SOD2: variants seen among roughly 807,000 people sequenced by gnomAD.
The protein encoded by SOD2 is superoxide dismutase 2.
A neutral mutation model predicts 27.0 loss-of-function variants in SOD2; 11 were observed. That is an observed-to-expected ratio of 0.41 (90% CI 0.26 to 0.67). The LOEUF (loss-of-function observed/expected upper bound fraction) is 0.67, where lower values mean the gene tolerates loss of function less well. SOD2 is among the 30% of genes least tolerant of loss of function. SOD2 has a pLI of 0.34. For synonymous variants in SOD2, 105 were observed against 103.0 expected (o/e 1.02, Z -0.12); for missense variants, 250 against 274.5 (o/e 0.91, Z 0.63).
chr6:159,680,999 T>A lies in SOD2; in HGVS notation c.*1494A>T, dbSNP rs1163042582. The A allele has an allele frequency of 6.7e-6, 1 of 150,032 alleles. No homozygotes were observed. The highest frequency in any genetic ancestry group is 1.5e-5 in the Non-Finnish European group (1 of 67,684). The allele number at this position is 150,032 out of a possible 1,614,324, so 9.3% of individuals were successfully genotyped here. On this transcript the variant is annotated 3_prime_UTR_variant, in exon 5 of 5. Transcript: ENST00000538183. The stretch of plus-strand genomic sequence containing the variant: ...AATATTCCAATAGGAGATAAACCTA[T>A]GTACACAGAGTTGCTCACCCCAGCA...
Position 159,693,170 on chromosome 6 carries a change from T to C in SOD2, c.-3A>G. 2 of 1,530,822 alleles carry C rather than the reference T, an allele frequency of 1.3e-6. No individual in the cohort carries two copies. The highest frequency in any genetic ancestry group is 1.8e-6 in the Non-Finnish European group (2 of 1,138,476). The allele number at this position is 1,530,822 out of a possible 1,614,324, so 94.8% of individuals were successfully genotyped here. The stretch of plus-strand genomic sequence containing the variant: ...CCGCACACTGCCCGGCTCAACATGC[T>C]GCTAGTGCTGGTGCTACCGCTGATG... On this transcript the variant is annotated 5_prime_UTR_variant, in exon 1 of 5. Transcript: ENST00000538183.
intron 1 of SOD2, 24 bp from the exon 2 acceptor site, chr6:159,692,887 GGTCA>G (rs2114794805): frequency 1.3e-6 from 2 of 1,563,076 alleles, no homozygotes; most frequent in African/African-American, 1.4e-5. Flanking sequence ...AGCACAGCCC[GGTCA>G]GTCAGCGCCG....
At position 159,672,491 on chromosome 6, in the gene SOD2, T is replaced by A. The variant is rs1407746274; in HGVS notation, c.*10002A>T. On this transcript the variant is annotated 3_prime_UTR_variant, in exon 5 of 5. Transcript: ENST00000538183. ...CCCAGAATTTCATATCCAGCCAAAC[T>A]AAGCTTCATAAGTGAAGGAGAAATA... The A allele has an allele frequency of 2.6e-5, 4 of 152,162 alleles. No homozygotes were observed. The highest frequency in any genetic ancestry group is 5.9e-5 in the Non-Finnish European group (4 of 68,044). 9.4% of individuals were successfully genotyped at this position (152,162 alleles called of 1,614,324 possible). A position where few individuals can be genotyped will look rare whatever the true frequency, so the allele number is the denominator to read the frequency against.
intron 2 of SOD2, 186 bp downstream of exon 2, chr6:159,692,475 G>A: frequency 2.8e-6 from 4 of 1,441,238 alleles, no homozygotes; most frequent in Non-Finnish European, 3.7e-6. Context: ...CAAACCCATC[G>A]AGGCACTCCT....
upstream of SOD2, chr6:159,727,585 C>T (rs1324646425): frequency 1.0e-6 from 1 of 986,692 alleles, no homozygotes; most frequent in South Asian, 4.6e-5. Context: ...AGGAGCGCGG[C>T]GGGGCCGGCG....
chr6:159,738,352 AT>A (rs978907676), intron 1 of SOD2, among the ~76,000 whole-genome samples: 13 of 151,954 alleles, frequency 8.6e-5, no homozygotes, highest in Admixed American at 2.0e-4. Context: ...TTTTGAGACT[AT>A]TTTTTTTCCT....
In SOD2 at chr6:159,678,925, T is replaced by A. The variant is rs574990645; in HGVS notation, c.*3568A>T. ...AAAAACACTTTGGTTTTGTCGTATA[T>A]CCCTAATACTATGCTTTTAGGTTAT... On this transcript the variant is annotated 3_prime_UTR_variant, in exon 5 of 5. Coordinates refer to ENST00000538183, the MANE Select transcript of SOD2 (RefSeq NM_000636.4). 6 of 152,344 alleles carry A rather than the reference T, an allele frequency of 3.9e-5. No individual in the cohort carries two copies. Among genetic ancestry groups the A allele is most frequent in the African/African-American group, 1.4e-4 (6 of 41,590 alleles). 9.4% of individuals were successfully genotyped at this position (152,344 alleles called of 1,614,324 possible). A position where few individuals can be genotyped will look rare whatever the true frequency, so the allele number is the denominator to read the frequency against.
In SOD2 at chr6:159,762,158, G is replaced by T. The variant is rs1227823511; in HGVS notation, c.-1457C>A. ...ACCATCATAGGTGAGTGGCCGGCGG[G>T]AGCCGCGCAGAGTCCGAGGCGCCTG... On this transcript the variant is annotated 5_prime_UTR_variant, in exon 1 of 8. Transcript: ENST00000546087. 9 of 1,607,512 alleles carry T rather than the reference G, an allele frequency of 5.6e-6. 1 individual carries two copies. The highest frequency in any genetic ancestry group is 6.8e-6 in the Non-Finnish European group (8 of 1,176,778).
chr6:159,742,584 TCTG>T (rs1451132572), intron 1 of SOD2, among the ~76,000 whole-genome samples: 5 of 152,206 alleles, frequency 3.3e-5, no homozygotes, highest in African/African-American at 4.8e-5. Context: ...TTTTTTTAAA[TCTG>T]CTGAAAATAA....
rs1330999149 is a variant in SOD2, at chr6:159,680,314, A to G, written c.*2179T>C. On this transcript the variant is annotated 3_prime_UTR_variant, in exon 5 of 5. Coordinates refer to ENST00000538183, the MANE Select transcript of SOD2 (RefSeq NM_000636.4). ...TTAGAGAGGCAAGCAGTAATCTTAC[A>G]TGACACATAAAAGCTGTTTCACTGT... 6.6e-6 allele frequency: 1 copy of G among 152,204 alleles called. No individual in the cohort carries two copies. Among genetic ancestry groups the G allele is most frequent in the Non-Finnish European group, 1.5e-5 (1 of 68,048 alleles). 9.4% of individuals were successfully genotyped at this position (152,204 alleles called of 1,614,324 possible).
chr6:159,744,614 C>G (rs752907310), intron 1 of SOD2, among the ~76,000 whole-genome samples: 10 of 152,236 alleles, frequency 6.6e-5, no homozygotes, highest in Non-Finnish European at 1.3e-4. Flanking sequence ...TAAATTTCCA[C>G]AAAAGCACGT....
chr6:159,755,760 CTTTTCTTTTTTTTTTTTTTTT>C, intron 1 of SOD2: 1 of 281,890 alleles, frequency 3.5e-6, no homozygotes. Context: ...TTTTTTTTTT[CTTTTCTTTTTTTTTTTTTTTT>C]TTTTTTTTTG....
intron 2 of SOD2, chr6:159,690,778 A>G (rs1226169391): frequency 6.6e-6 from 1 of 152,206 alleles, no homozygotes; most frequent in African/African-American, 2.4e-5. Context: ...TAATCTTAAC[A>G]TCTTACAGTT....
chr6:159,762,196 G>C, exon 1 of SOD2: 1 of 1,572,492 alleles, frequency 6.4e-7, no homozygotes, highest in Non-Finnish European at 8.6e-7. Context: ...GCTTCGGCAG[G>C]AGCGCCGAGG....
chr6:159,692,510 TTAAAAGAGAGAC>T, intron 2 of SOD2, 139 bp downstream of exon 2: 10 of 1,466,584 alleles, frequency 6.8e-6, no homozygotes, highest in Non-Finnish European at 8.1e-6. Flanking sequence ...GACCATGTGT[TTAAAAGAGAGAC>T]TATCGTGCCT....
exon 1 of SOD2, chr6:159,727,291 G>A (rs1039645327): frequency 7.8e-7 from 1 of 1,282,380 alleles, no homozygotes; most frequent in East Asian, 5.8e-5. Flanking sequence ...GGGGTTCGGC[G>A]GCGGGCGAGT....
At chr6:159,753,429 A>C in intron 1 of SOD2, 1 of 1,614,070 alleles carries the variant, frequency 6.2e-7, no homozygotes, top group Non-Finnish European at 8.5e-7. Context: ...TTTTGTCTTC[A>C]TTTTGTGATG....
rs146673716 is a variant in SOD2, at chr6:159,702,487, G to A, written c.-115-9624C>T. ...AATTTTTGTATTTTAAGTAGATGGGGTTTCACCATGATGACCAGGCTGGTC... is the reference window on the plus strand; with the variant it reads ...AATTTTTGTATTTTAAGTAGATGGGATTTCACCATGATGACCAGGCTGGTC... On this transcript the variant is annotated intron_variant, in intron 1 of 2. Coordinates refer to the SOD2 transcript ENST00000401980. 6.3e-3 allele frequency among the ~76,000 whole-genome samples: 957 copies of A among 151,102 alleles called. 11 individuals carry two copies. The highest frequency in any genetic ancestry group is 0.022 in the African/African-American group (924 of 41,138).
chr6:159,719,509 G>A lies in SOD2; in HGVS notation c.-116+7620C>T, dbSNP rs561161992. Reference sequence around the variant, plus strand: ...GGAGAGGTGGCTTGTGCTTGTGGTCGCAGCTACTGGAGAGGCTGAGACAGG... The same window carrying A: ...GGAGAGGTGGCTTGTGCTTGTGGTCACAGCTACTGGAGAGGCTGAGACAGG... On this transcript the variant is annotated intron_variant, in intron 1 of 2. Transcript: ENST00000401980. Among the ~76,000 whole-genome samples the A allele has an allele frequency of 4.6e-5, 7 of 151,496 alleles. No individual in the cohort carries two copies. In the South Asian group the frequency reaches 8.4e-4, roughly 18 times the overall value.
Sources: gnomAD v4.1 joint callset for allele counts (sites outside exome capture counted in the v4.1 genomes callset) on GRCh38, gnomAD v4.1.1 for gene constraint, MANE v1.5 for transcripts, NCBI Gene and HGNC (gene_info 2026-07-23, HGNC 2026-07-21) for gene names.